The following SLC28A3 variants were observed in gnomAD, a reference collection of about 807,000 sequenced individuals.
The protein encoded by SLC28A3 is solute carrier family 28 member 3.
A neutral mutation model predicts 84.2 loss-of-function variants in SLC28A3; 68 were observed. The observed-to-expected ratio is 0.81, with a 90% CI of 0.66 to 0.99. The LOEUF is 0.99. SLC28A3 is among the 50% of genes least tolerant of loss of function. The probability of loss-of-function intolerance (pLI) is 0.00; values close to 1 mark genes in which losing one functional copy is unlikely to be tolerated. For synonymous variants in SLC28A3, 267 were observed against 303.6 expected (o/e 0.88, Z 1.25); for missense variants, 712 against 841.5 (o/e 0.85, Z 1.90).
chr9:84,301,838 C>T (rs1825646697), intron 5 of SLC28A3, among the ~76,000 whole-genome samples: 1 of 152,180 alleles, frequency 6.6e-6, no homozygotes, highest in African/African-American at 2.4e-5. Flanking sequence ...TATGACAAAA[C>T]TTTCACTCTA....
At chr9:84,363,661 A>C in the SLC28A3 span, among the ~76,000 whole-genome samples, 1 of 152,182 alleles carries the variant, frequency 6.6e-6, no homozygotes, top group Non-Finnish European at 1.5e-5. Flanking sequence ...AAGATAAAAG[A>C]TGGCTGTGCC....
Position 84,305,306 on chromosome 9 carries a change from A to G in SLC28A3, c.282T>C (p.Cys94=), listed in dbSNP as rs1461496501. The change falls in exon 4 of 18, where the codon TGT becomes TGC. Residue 94 remains cysteine, a synonymous_variant. Coordinates refer to ENST00000376238, the MANE Select transcript of SLC28A3 (RefSeq NM_001199633.2). ...ERRYDTVCGF[C]RKHKTTLRHI... Reference sequence around the variant, plus strand: ...GCCGAAGAGTTGTTTTGTGTTTCCTACAGAAACCACATACTGTGTCATACC... The same window carrying G: ...GCCGAAGAGTTGTTTTGTGTTTCCTGCAGAAACCACATACTGTGTCATACC... 1.9e-6 allele frequency: 3 copies of G among 1,613,354 alleles called. No homozygotes were observed. Among genetic ancestry groups the G allele is most frequent in the African/African-American group, 2.7e-5 (2 of 74,826 alleles).
upstream of SLC28A3, among the ~76,000 whole-genome samples, chr9:84,343,192 A>C (rs1405392716): frequency 3.3e-5 from 5 of 151,814 alleles, no homozygotes; most frequent in Admixed American, 2.0e-4. Context: ...TCAAAAAAAA[A>C]ACAAAAGACA....
chr9:84,326,656 A>G (rs1046143807), intron 1 of SLC28A3, among the ~76,000 whole-genome samples: 4 of 151,678 alleles, frequency 2.6e-5, no homozygotes, highest in Non-Finnish European at 5.9e-5. Flanking sequence ...AACAACAACA[A>G]CAACAACAAC....
chr9:84,364,666 C>A, the SLC28A3 span, among the ~76,000 whole-genome samples: 1 of 151,962 alleles, frequency 6.6e-6, no homozygotes, highest in Admixed American at 6.6e-5. Context: ...CCCCTGCAGA[C>A]CCCCACTACC....
chr9:84,351,145 A>G, the SLC28A3 span, among the ~76,000 whole-genome samples: 5 of 152,232 alleles, frequency 3.3e-5, no homozygotes, highest in African/African-American at 1.2e-4. Context: ...ATCAGCATAT[A>G]TATAACTTTT....
chr9:84,303,661 C>G (rs1679015511), intron 4 of SLC28A3, among the ~76,000 whole-genome samples: 1 of 152,084 alleles, frequency 6.6e-6, no homozygotes, highest in Non-Finnish European at 1.5e-5. Context: ...TTTTACAAGG[C>G]ATTTCCTCTT....
At position 84,277,417 on chromosome 9, in the gene SLC28A3, C is replaced by G. The variant is rs1273950955; in HGVS notation, c.*801G>C. On this transcript the variant is annotated 3_prime_UTR_variant, in exon 18 of 18. Transcript: ENST00000376238. ...CATTTCCTAGCGGAAGATGAAAGAGCCATCATGTGGTTCCCACCTTTCTTT... is the reference window on the plus strand; with the variant it reads ...CATTTCCTAGCGGAAGATGAAAGAGGCATCATGTGGTTCCCACCTTTCTTT... 6.6e-6 allele frequency: 1 copy of G among 152,226 alleles called. No homozygotes were observed. The highest frequency in any genetic ancestry group is 2.4e-5 in the African/African-American group (1 of 41,456). The allele number at this position is 152,226 out of a possible 1,614,324, so 9.4% of individuals were successfully genotyped here. A position where few individuals can be genotyped will look rare whatever the true frequency, so the allele number is the denominator to read the frequency against.
chr9:84,296,763 A>G (rs542137314), intron 8 of SLC28A3, among the ~76,000 whole-genome samples: 1 of 120,296 alleles, frequency 8.3e-6, no homozygotes, highest in East Asian at 2.8e-4. Flanking sequence ...TCTAAAACAG[A>G]GGTTGATGTG....
intron 1 of SLC28A3, among the ~76,000 whole-genome samples, chr9:84,340,219 T>C (rs1483731108): frequency 6.6e-6 from 1 of 152,138 alleles, no homozygotes; most frequent in Non-Finnish European, 1.5e-5. Context: ...CCTGAGACAC[T>C]ACCCCAGCCA....
intron 1 of SLC28A3, among the ~76,000 whole-genome samples, chr9:84,319,425 G>A (rs923698739): frequency 3.9e-5 from 6 of 152,142 alleles, no homozygotes; most frequent in Admixed American, 1.3e-4. Flanking sequence ...AGCACTTTGG[G>A]GGGCTGAGGC....
At chr9:84,342,455 G>C (rs1387481675), upstream of SLC28A3, among the ~76,000 whole-genome samples, 1 of 151,798 alleles carries the variant, frequency 6.6e-6, no homozygotes, top group Non-Finnish European at 1.5e-5. Flanking sequence ...TGTGTGTTCT[G>C]TTGCCCAGGC....
chr9:84,332,700 T>C (rs757440119), intron 1 of SLC28A3, among the ~76,000 whole-genome samples: 2 of 152,130 alleles, frequency 1.3e-5, no homozygotes, highest in Non-Finnish European at 2.9e-5. Context: ...ATAAAAACAA[T>C]TTTATCTTAA....
chr9:84,351,943 C>G, the SLC28A3 span, among the ~76,000 whole-genome samples: 1 of 150,606 alleles, frequency 6.6e-6, no homozygotes, highest in African/African-American at 2.4e-5. Flanking sequence ...ACAAATGAGG[C>G]AAGACGCTAA....
In SLC28A3 at chr9:84,291,862, G is replaced by A. The variant is rs563691740; in HGVS notation, c.1023+806C>T. On this transcript the variant is annotated intron_variant, in intron 10 of 17. Transcript: ENST00000376238. ...TTCTGCCTGAAGCTGCATATCTGGAGTGATGAGGGGCTTATTACAATTTCT... is the reference window on the plus strand; with the variant it reads ...TTCTGCCTGAAGCTGCATATCTGGAATGATGAGGGGCTTATTACAATTTCT... 3.3e-5 allele frequency among the ~76,000 whole-genome samples: 5 copies of A among 152,296 alleles called. No homozygotes were observed. In the East Asian group the frequency reaches 9.7e-4, roughly 29 times the overall value.
the SLC28A3 span, among the ~76,000 whole-genome samples, chr9:84,351,894 A>G: frequency 1.3e-5 from 2 of 151,752 alleles, no homozygotes; most frequent in Non-Finnish European, 2.9e-5. Flanking sequence ...AAAAAAAAAA[A>G]CATGTAAATG....
chr9:84,366,872 T>C, the SLC28A3 span, among the ~76,000 whole-genome samples: 1 of 152,148 alleles, frequency 6.6e-6, no homozygotes, highest in Admixed American at 6.5e-5. Flanking sequence ...ACCCAAGACC[T>C]TCTGTAACCA....
intron 1 of SLC28A3, among the ~76,000 whole-genome samples, chr9:84,326,974 C>T (rs1826583897): frequency 6.6e-6 from 1 of 152,092 alleles, no homozygotes; most frequent in South Asian, 2.1e-4. Context: ...TGCCACTGCA[C>T]TCCAGCTTGG....
At chr9:84,368,417 G>A in the SLC28A3 span, among the ~76,000 whole-genome samples, 1 of 152,112 alleles carries the variant, frequency 6.6e-6, no homozygotes, top group Non-Finnish European at 1.5e-5. Context: ...GTAACAGTCT[G>A]ATCTCTCTTC....
Sources: gnomAD v4.1 joint callset for allele counts (sites outside exome capture counted in the v4.1 genomes callset) on GRCh38, gnomAD v4.1.1 for gene constraint, MANE v1.5 for transcripts, NCBI Gene and HGNC (gene_info 2026-07-23, HGNC 2026-07-21) for gene names.